The following EXOC6 variants were observed in gnomAD, a reference collection of about 807,000 sequenced individuals.
EXOC6 encodes SEC15-like 1.
A neutral mutation model predicts 112.5 loss-of-function variants in EXOC6; 60 were observed. The observed-to-expected ratio is 0.53, with a 90% CI of 0.43 to 0.66. The LOEUF (loss-of-function observed/expected upper bound fraction) is 0.66. Among genes scored for constraint, EXOC6 ranks in the 30% least tolerant of loss-of-function variants. EXOC6 has a pLI of 0.00. For missense variants in EXOC6, 855 were observed against 957.1 expected, an observed-to-expected ratio of 0.89 and a Z score of 1.41; for synonymous variants, 295 against 308.0, an observed-to-expected ratio of 0.96 and a Z score of 0.44.
upstream of EXOC6, among the ~76,000 whole-genome samples, chr10:92,832,910 G>A (rs1179226556): frequency 6.6e-6 from 1 of 152,070 alleles, no homozygotes; most frequent in Non-Finnish European, 1.5e-5. Context: ...TGATCCACCC[G>A]CCTCGGATTC....
rs1334616590 is a variant in EXOC6 at position 92,886,054 on chromosome 10, G to T, written c.102-7295G>T. 2.6e-5 allele frequency among the ~76,000 whole-genome samples: 4 copies of T among 152,056 alleles called. No homozygotes were observed. The East Asian group carries it at 5.8e-4, about 22-fold the overall frequency. On this transcript the variant is annotated intron_variant, in intron 1 of 21. Coordinates refer to ENST00000260762, the MANE Select transcript of EXOC6 (RefSeq NM_019053.6). ...ATTATAAAATTTTGGGAGACTGAAAGAACGAAAAATTATTTTTGTTAAAAT... is the reference window on the plus strand; with the variant it reads ...ATTATAAAATTTTGGGAGACTGAAATAACGAAAAATTATTTTTGTTAAAAT...
rs188438896 is a variant in EXOC6, at chr10:93,050,424, G to A, written c.2170-6500G>A. On this transcript the variant is annotated intron_variant, in intron 20 of 21. Transcript: ENST00000260762. ...AAATTAGCCGGGCGTGGTGGTATGT[G>A]CCTGTAGTCCCAGCTGCTTGGGAGG... 1.7e-4 allele frequency among the ~76,000 whole-genome samples: 26 copies of A among 151,870 alleles called. No homozygotes were observed. The East Asian group carries it at 5.0e-3, about 29-fold the overall frequency.
intron 20 of EXOC6, among the ~76,000 whole-genome samples, chr10:93,046,192 A>C (rs1845994705): frequency 6.6e-6 from 1 of 152,226 alleles, no homozygotes. Context: ...ACTAAGCAAA[A>C]CAAGTCACTA....
chr10:93,036,162 G>A (rs1845505274), intron 20 of EXOC6, among the ~76,000 whole-genome samples: 1 of 148,666 alleles, frequency 6.7e-6, no homozygotes, highest in Admixed American at 6.7e-5. Context: ...AGGTTGCAGT[G>A]AGCCGAGATC....
intron 17 of EXOC6, among the ~76,000 whole-genome samples, chr10:92,967,483 TA>T (rs544685075): frequency 1.1e-3 from 160 of 152,308 alleles, no homozygotes; most frequent in South Asian, 3.3e-3. Context: ...TATTTTATTT[TA>T]ATAAAATTCT....
chr10:92,926,265 GA>G (rs1423104630), intron 8 of EXOC6, among the ~76,000 whole-genome samples: 1 of 151,134 alleles, frequency 6.6e-6, no homozygotes, highest in Non-Finnish European at 1.5e-5. Flanking sequence ...TCACTCAGAA[GA>G]AAAAAAACCC....
chr10:92,969,031 G>A (rs1282500386), intron 17 of EXOC6, among the ~76,000 whole-genome samples: 1 of 152,100 alleles, frequency 6.6e-6, no homozygotes, highest in Admixed American at 6.5e-5. Flanking sequence ...GTGGGGACCT[G>A]TATCCCCTTC....
intron 4 of EXOC6, among the ~76,000 whole-genome samples, chr10:92,896,151 A>G (rs1486530782): frequency 0.033 from 324 of 9,832 alleles, 15 homozygotes; most frequent in African/African-American, 0.21. Context: ...GTATGTGTAT[A>G]TATATATATA....
chr10:93,016,175 C>T (rs1844500654), intron 20 of EXOC6, among the ~76,000 whole-genome samples: 1 of 152,028 alleles, frequency 6.6e-6, no homozygotes, highest in African/African-American at 2.4e-5. Flanking sequence ...CACTCTGTTG[C>T]CCAGGCTGGA....
intron 8 of EXOC6, among the ~76,000 whole-genome samples, chr10:92,920,623 T>C (rs1361446125): frequency 6.6e-6 from 1 of 152,182 alleles, no homozygotes; most frequent in Non-Finnish European, 1.5e-5. Context: ...GTTTATAGGG[T>C]TGTTCACGTC....
At chr10:92,828,223 T>C (rs2133557713) in intron 1 of EXOC6, among the ~76,000 whole-genome samples, 1 of 152,348 alleles carries the variant, frequency 6.6e-6, no homozygotes, top group South Asian at 2.1e-4. Context: ...TATCTTGACT[T>C]ATTACACTGG....
intron 6 of EXOC6, among the ~76,000 whole-genome samples, chr10:92,912,261 C>T (rs111863307): frequency 0.011 from 1,714 of 152,028 alleles, 19 homozygotes; most frequent in Non-Finnish European, 0.017. Flanking sequence ...ATCTATTTTT[C>T]TTATATTTGC....
Position 92,838,492 on chromosome 10 carries a change from G to A in EXOC6, c.86+3668G>A, listed in dbSNP as rs1179860820. On this transcript the variant is annotated intron_variant, in intron 1 of 21. Coordinates refer to the EXOC6 transcript ENST00000371552. ...TTGTTTTCATTTTGTGTGTGAAATG[G>A]TGTTTAAGGCCCATAGCATTAAGTT... Among the ~76,000 whole-genome samples, 3 of 152,272 alleles carry A rather than the reference G, an allele frequency of 2.0e-5. No individual in the cohort carries two copies. In the East Asian group the frequency reaches 5.8e-4, roughly 29 times the overall value.
intron 20 of EXOC6, among the ~76,000 whole-genome samples, chr10:93,038,866 G>A (rs1156691711): frequency 6.6e-6 from 1 of 152,182 alleles, no homozygotes; most frequent in Non-Finnish European, 1.5e-5. Flanking sequence ...GGAAAAGTAA[G>A]TATATGTACA....
intron 1 of EXOC6, among the ~76,000 whole-genome samples, chr10:92,827,632 G>T (rs1846408709): frequency 6.6e-6 from 1 of 152,010 alleles, no homozygotes; most frequent in African/African-American, 2.4e-5. Flanking sequence ...ACAGGTGAGT[G>T]ATATCTTGTG....
In EXOC6 at chr10:93,005,769, C is replaced by A. The variant is rs186746153; in HGVS notation, c.2095+8154C>A. On this transcript the variant is annotated intron_variant, in intron 19 of 21. Transcript: ENST00000260762. ...ATTAGAAAAGGCATTAGAATAGCTC[C>A]AGATTAAAGAGTGCTGGCACCTATT... Among the ~76,000 whole-genome samples, 161 of 152,240 alleles carry A rather than the reference C, an allele frequency of 1.1e-3. No homozygotes were observed. In the Middle Eastern group the frequency reaches 0.014, roughly 13 times the overall value.
At position 92,997,530 on chromosome 10, in the gene EXOC6, A is replaced by G. The variant is rs1301429361; in HGVS notation, c.2010A>G (p.Leu670=). 1 of 1,613,364 alleles carries G rather than the reference A, an allele frequency of 6.2e-7. No homozygotes were observed. Among genetic ancestry groups the G allele is most frequent in the African/African-American group, 1.3e-5 (1 of 75,024 alleles). The change falls in exon 19 of 22, where the codon TTA becomes TTG. Residue 670 remains leucine (L), a synonymous_variant. Transcript: ENST00000260762. ...CCTGCCAGCATCTGTCAACATCCTTAATGCAGATGCTACTGGACAGTGAGT... is the reference window on the plus strand; with the variant it reads ...CCTGCCAGCATCTGTCAACATCCTTGATGCAGATGCTACTGGACAGTGAGT... ...MSACQHLSTS[L]MQMLLDSELK...
intron 6 of EXOC6, among the ~76,000 whole-genome samples, chr10:92,911,871 C>T (rs1002638735): frequency 4.4e-4 from 66 of 151,496 alleles, no homozygotes; most frequent in African/African-American, 1.5e-3. Context: ...CTTGGTATCC[C>T]TTCATGCTAC....
At chr10:93,018,613 C>CTTT (rs11290790) in intron 20 of EXOC6, among the ~76,000 whole-genome samples, 36 of 147,596 alleles carry the variant, frequency 2.4e-4, no homozygotes, top group East Asian at 5.9e-4. Context: ...TAAAAAGGAA[C>CTTT]TTTTTTTTTT....
Sources: allele counts gnomAD v4.1 joint callset (sites outside exome capture counted in the v4.1 genomes callset), GRCh38; gene constraint gnomAD v4.1.1; transcripts MANE v1.5; gene names NCBI Gene and HGNC (gene_info 2026-07-23, HGNC 2026-07-21).